UCK2: variants seen among roughly 807,000 people sequenced by gnomAD.
UCK2 encodes uridine-cytidine kinase 2, also known as cytidine monophosphokinase 2.
A neutral mutation model predicts 30.8 loss-of-function variants in UCK2; 6 were observed. That is an observed-to-expected ratio of 0.19 (90% CI 0.11 to 0.38). The LOEUF (loss-of-function observed/expected upper bound fraction) is 0.38, where lower values mean the gene tolerates loss of function less well. Among genes scored for constraint, UCK2 ranks in the 10% least tolerant of loss-of-function variants. The pLI is 1.00. For synonymous variants in UCK2, 125 were observed against 133.6 expected (o/e 0.94, Z 0.45); for missense variants, 210 against 339.8 (o/e 0.62, Z 3.00).
intron 1 of UCK2, among the ~76,000 whole-genome samples, chr1:165,859,917 T>C (rs1654852178): frequency 6.6e-6 from 1 of 152,176 alleles, no homozygotes; most frequent in African/African-American, 2.4e-5. Context: ...TCCACCCTGC[T>C]TTGCCCATCA....
In UCK2 at chr1:165,873,158, T is replaced by G. The variant is rs149038399; in HGVS notation, c.100-17046T>G. On this transcript the variant is annotated intron_variant, in intron 1 of 6. Transcript: ENST00000367879. Reference sequence around the variant, plus strand: ...AAACCCCCAGAATTTCATGTCTGGTTTTAGGTTGCCACAATTTAATAATGA... The same window carrying G: ...AAACCCCCAGAATTTCATGTCTGGTGTTAGGTTGCCACAATTTAATAATGA... Among the ~76,000 whole-genome samples the G allele has an allele frequency of 2.9e-3, 440 of 152,304 alleles. 2 individuals are homozygous for G. Among genetic ancestry groups the G allele is most frequent in the African/African-American group, 0.01 (429 of 41,576 alleles).
At chr1:165,901,240 A>G (rs1647450194) in intron 4 of UCK2, among the ~76,000 whole-genome samples, 1 of 152,194 alleles carries the variant, frequency 6.6e-6, no homozygotes, top group Non-Finnish European at 1.5e-5. Flanking sequence ...CGATCAGCCA[A>G]CTGTTTTATT....
chr1:165,871,956 G>C (rs908046772), intron 1 of UCK2, among the ~76,000 whole-genome samples: 11 of 150,862 alleles, frequency 7.3e-5, no homozygotes, highest in Admixed American at 5.3e-4. Context: ...TAAATCAACA[G>C]AGAAGTGAGG....
intron 1 of UCK2, among the ~76,000 whole-genome samples, chr1:165,831,399 C>T (rs1263466815): frequency 2.0e-5 from 3 of 152,162 alleles, no homozygotes; most frequent in African/African-American, 7.2e-5. Flanking sequence ...CAAACCAAAC[C>T]AGATTTTCAT....
At chr1:165,881,722 A>G (rs942348179) in intron 1 of UCK2, among the ~76,000 whole-genome samples, 1 of 152,264 alleles carries the variant, frequency 6.6e-6, no homozygotes. Context: ...AGCTATTATT[A>G]TCATCACTCA....
chr1:165,905,262 C>G (rs577256537), intron 5 of UCK2, among the ~76,000 whole-genome samples: 1 of 152,256 alleles, frequency 6.6e-6, no homozygotes, highest in East Asian at 1.9e-4. Context: ...GTGGGTGGAT[C>G]GCTTGAGCCC....
intron 1 of UCK2, among the ~76,000 whole-genome samples, chr1:165,858,098 T>A (rs552433885): frequency 6.6e-6 from 1 of 152,278 alleles, no homozygotes; most frequent in Admixed American, 6.5e-5. Context: ...TCAGGATGTA[T>A]CAGTTGTGTG....
chr1:165,831,782 T>G (rs1654055594), intron 1 of UCK2, among the ~76,000 whole-genome samples: 1 of 152,192 alleles, frequency 6.6e-6, no homozygotes, highest in Non-Finnish European at 1.5e-5. Context: ...TTATTTTTTA[T>G]TGAGATGGAA....
At chr1:165,827,963 C>G in intron 1 of UCK2, 31 bp downstream of exon 1, 2 of 1,297,678 alleles carry the variant, frequency 1.5e-6, no homozygotes, top group Non-Finnish European at 9.9e-7. Flanking sequence ...GCGCTCCCTT[C>G]CCGGCTTCTG....
At chr1:165,896,926 C>A (rs979743224) in intron 4 of UCK2, among the ~76,000 whole-genome samples, 1 of 152,200 alleles carries the variant, frequency 6.6e-6, no homozygotes, top group Non-Finnish European at 1.5e-5. Context: ...CAGCAGTGCC[C>A]CTTGGTAGAG....
At chr1:165,868,347 A>G (rs1557840363) in intron 1 of UCK2, among the ~76,000 whole-genome samples, 1 of 152,232 alleles carries the variant, frequency 6.6e-6, no homozygotes, top group Non-Finnish European at 1.5e-5. Context: ...CAAGAGAGTC[A>G]TCCTGTCCTT....
chr1:165,864,111 C>T (rs1019773994), intron 1 of UCK2, among the ~76,000 whole-genome samples: 1 of 152,164 alleles, frequency 6.6e-6, no homozygotes, highest in African/African-American at 2.4e-5. Flanking sequence ...CCATGCCTGG[C>T]TAATTTTTGT....
chr1:165,847,114 G>C (rs1438186530), intron 1 of UCK2, among the ~76,000 whole-genome samples: 1 of 151,066 alleles, frequency 6.6e-6, no homozygotes, highest in African/African-American at 2.4e-5. Flanking sequence ...TTATTACTTT[G>C]GTAAAAGTAA....
intron 5 of UCK2, 140 bp from the exon 6 acceptor site, chr1:165,905,781 T>C (rs185572208): frequency 1.7e-6 from 1 of 598,744 alleles, no homozygotes; most frequent in African/African-American, 1.8e-5. Flanking sequence ...TTGTAAACAA[T>C]ATTATATTTG....
intron 1 of UCK2, among the ~76,000 whole-genome samples, chr1:165,833,524 T>G (rs1654106504): frequency 6.6e-6 from 1 of 152,174 alleles, no homozygotes; most frequent in Non-Finnish European, 1.5e-5. Flanking sequence ...GTATTTCTTC[T>G]TTGTTCCTTG....
chr1:165,842,819 C>A (rs1654361608), intron 1 of UCK2, among the ~76,000 whole-genome samples: 2 of 152,224 alleles, frequency 1.3e-5, no homozygotes, highest in African/African-American at 4.8e-5. Context: ...AGCTAAGCCA[C>A]AGGAGGCTTA....
At chr1:165,839,108 C>T (rs374821230) in intron 1 of UCK2, among the ~76,000 whole-genome samples, 3 of 151,598 alleles carry the variant, frequency 2.0e-5, no homozygotes, top group African/African-American at 4.8e-5. Context: ...ACTTTAAATT[C>T]GTATTGTCAA....
intron 1 of UCK2, chr1:165,885,354 A>G (rs1655591944): frequency 5.0e-6 from 2 of 398,470 alleles, no homozygotes; most frequent in South Asian, 1.3e-4. Flanking sequence ...ATGGAATTAA[A>G]TGAGATAATG....
intron 1 of UCK2, among the ~76,000 whole-genome samples, chr1:165,861,605 G>A (rs1654901748): frequency 1.0e-5 from 1 of 97,138 alleles, no homozygotes. Flanking sequence ...TCCAGCCTGG[G>A]CGACAGAGCG....
Sources: gnomAD v4.1 joint callset for allele counts (sites outside exome capture counted in the v4.1 genomes callset) on GRCh38, gnomAD v4.1.1 for gene constraint, MANE v1.5 for transcripts, NCBI Gene and HGNC (gene_info 2026-07-23, HGNC 2026-07-21) for gene names.